The following TPX2 variants were observed in gnomAD, a reference collection of about 807,000 sequenced individuals.
TPX2 encodes targeting protein for Xklp2.
Under a neutral mutation model 93.6 loss-of-function variants are expected in TPX2, and 21 were observed. That is an observed-to-expected ratio of 0.22 (90% CI 0.16 to 0.32). The LOEUF (loss-of-function observed/expected upper bound fraction) is 0.32, where lower values mean the gene tolerates loss of function less well. Ranked by LOEUF, TPX2 falls within the 10% of genes least tolerant of loss-of-function variation. The pLI is 1.00. For missense variants in TPX2, 776 were observed against 871.1 expected, an observed-to-expected ratio of 0.89 and a Z score of 1.37; for synonymous variants, 281 against 298.3, an observed-to-expected ratio of 0.94 and a Z score of 0.60.
intron 9 of TPX2, 149 bp from the exon 10 acceptor site, chr20:31,778,664 C>A: frequency 1.5e-6 from 1 of 652,574 alleles, no homozygotes; most frequent in Non-Finnish European, 2.5e-6. Flanking sequence ...TTAGTTATAA[C>A]CCTTGCTCAA....
chr20:31,777,858 C>T (rs2062011337), intron 9 of TPX2, among the ~76,000 whole-genome samples: 1 of 151,124 alleles, frequency 6.6e-6, no homozygotes. Context: ...CTCACTGTAA[C>T]CTCCGCCTCC....
intron 7 of TPX2, among the ~76,000 whole-genome samples, chr20:31,774,682 G>A (rs1038123058): frequency 6.6e-6 from 1 of 152,134 alleles, no homozygotes; most frequent in Non-Finnish European, 1.5e-5. Flanking sequence ...GGATTTAGTC[G>A]GCTTTACTTC....
In TPX2 at chr20:31,771,421, G is replaced by C. The variant is rs2061963717; in HGVS notation, c.486-139G>C. The C allele has an allele frequency of 2.7e-6, 3 of 1,096,496 alleles. No homozygotes were observed. In the East Asian group the frequency reaches 8.3e-5, roughly 31 times the overall value. The allele number at this position is 1,096,496 out of a possible 1,614,324, so 67.9% of individuals were successfully genotyped here. A position where few individuals can be genotyped will look rare whatever the true frequency, so the allele number is the denominator to read the frequency against. On this transcript the variant is annotated intron_variant, in intron 6 of 17. Coordinates refer to ENST00000300403, the MANE Select transcript of TPX2 (RefSeq NM_012112.5). ...ATATATATGATCTAATGATACTGTTGGAAGAATCATGTGGTCGAAGCATGC... is the reference window on the plus strand; with the variant it reads ...ATATATATGATCTAATGATACTGTTCGAAGAATCATGTGGTCGAAGCATGC...
chr20:31,741,645 G>T (rs993408337), intron 1 of TPX2, among the ~76,000 whole-genome samples: 42 of 152,012 alleles, frequency 2.8e-4, no homozygotes, highest in African/African-American at 1.0e-3. Context: ...CACCCGGCTA[G>T]TTTTTTTGTA....
At chr20:31,760,730 C>G (rs1343259958) in intron 4 of TPX2, among the ~76,000 whole-genome samples, 1 of 152,074 alleles carries the variant, frequency 6.6e-6, no homozygotes, top group Non-Finnish European at 1.5e-5. Flanking sequence ...GTAACCTAAC[C>G]TGGGTCTGGG....
At chr20:31,752,622 C>CT (rs947426024) in intron 2 of TPX2, among the ~76,000 whole-genome samples, 215 of 150,778 alleles carry the variant, frequency 1.4e-3, no homozygotes, top group African/African-American at 4.3e-3. Context: ...ACTTTTTTTT[C>CT]TTTTTTTTTG....
intron 3 of TPX2, 35 bp downstream of exon 3, chr20:31,757,617 T>C (rs1375712503): frequency 1.3e-6 from 2 of 1,567,574 alleles, no homozygotes; most frequent in African/African-American, 2.7e-5. Flanking sequence ...TTTTAAGGAT[T>C]AGTGGCTTGC....
At chr20:31,794,289 T>C in intron 14 of TPX2, 113 bp from the exon 15 acceptor site, 2 of 1,390,090 alleles carry the variant, frequency 1.4e-6, no homozygotes, top group Non-Finnish European at 1.9e-6. Flanking sequence ...CATTCTTTCA[T>C]GCTGCTTTGA....
At position 31,790,886 on chromosome 20, in the gene TPX2, A is replaced by G. The variant is rs1339732132; in HGVS notation, c.1414-1849A>G. Among the ~76,000 whole-genome samples, 5 of 152,204 alleles carry G rather than the reference A, an allele frequency of 3.3e-5. No homozygotes were observed. The East Asian group carries it at 9.6e-4, about 29-fold the overall frequency. On this transcript the variant is annotated intron_variant, in intron 12 of 17. Transcript: ENST00000300403. ...GTTTTGTATGGACTGTGATAAAACCATATACAATGGGATAAAGGGGTCAGT... is the reference window on the plus strand; with the variant it reads ...GTTTTGTATGGACTGTGATAAAACCGTATACAATGGGATAAAGGGGTCAGT...
chr20:31,757,658 G>A, intron 3 of TPX2, 76 bp downstream of exon 3: 1 of 1,138,290 alleles, frequency 8.8e-7, no homozygotes, highest in Non-Finnish European at 1.3e-6. Context: ...ATAATAGAAG[G>A]GGTTGCAAGA....
chr20:31,782,885 CACAT>C (rs1409452764), intron 11 of TPX2, among the ~76,000 whole-genome samples: 31 of 98,652 alleles, frequency 3.1e-4, no homozygotes, highest in Non-Finnish European at 5.3e-4. Context: ...TGCACATACA[CACAT>C]ACACACACAC....
chr20:31,752,498 T>C (rs1272868050), intron 2 of TPX2, among the ~76,000 whole-genome samples: 1 of 152,232 alleles, frequency 6.6e-6, no homozygotes, highest in Non-Finnish European at 1.5e-5. Context: ...TTTCTAATTC[T>C]CTATACTTAG....
chr20:31,798,045 C>A (rs998817967), intron 16 of TPX2, among the ~76,000 whole-genome samples: 6 of 152,072 alleles, frequency 3.9e-5, no homozygotes, highest in African/African-American at 1.4e-4. Context: ...TCAAAAAAAT[C>A]TTTCCAAAAA....
chr20:31,751,793 A>G (rs2061821481), intron 2 of TPX2, among the ~76,000 whole-genome samples: 1 of 152,178 alleles, frequency 6.6e-6, no homozygotes, highest in African/African-American at 2.4e-5. Context: ...CCCAGGCTGG[A>G]GTGCAATGGC....
At chr20:31,750,369 G>A (rs1039576564) in intron 2 of TPX2, among the ~76,000 whole-genome samples, 2 of 151,944 alleles carry the variant, frequency 1.3e-5, no homozygotes, top group Non-Finnish European at 2.9e-5. Context: ...TTTGAGGCTG[G>A]TCTCGAACTC....
rs1448118274 is a variant in TPX2, at chr20:31,742,828, T to C, written c.-71+181T>C. ...CTCAGATAAACCATGGTTAGCCTTT[T>C]GATAGATTTCTTTATAATTTTTTTC... On this transcript the variant is annotated intron_variant, in intron 2 of 17. Coordinates refer to ENST00000300403, the MANE Select transcript of TPX2 (RefSeq NM_012112.5). Among the ~76,000 whole-genome samples, 3 of 152,226 alleles carry C rather than the reference T, an allele frequency of 2.0e-5. No homozygotes were observed. The East Asian group carries it at 5.8e-4, about 29-fold the overall frequency.
chr20:31,771,682 A>G lies in TPX2; in HGVS notation c.608A>G (p.Lys203Arg). The part of the protein sequence containing the change: ...RHTVPCMPPA[K>R]QKFLKSTEEQ... ...ACTGTGCCTTGTATGCCACCTGCAAAGTAAGTTTCTTTCCTGAATTTAAAC... is the reference window on the plus strand; with the variant it reads ...ACTGTGCCTTGTATGCCACCTGCAAGGTAAGTTTCTTTCCTGAATTTAAAC... The change falls in exon 7 of 18, where the codon AAG becomes AGG. Residue 203 changes from lysine (K) to arginine (R), a missense_variant and splice_region_variant. Physicochemically the swap from Lys to Arg is conservative, Grantham distance 26. Around this residue, in one of 3 missense-constraint regions of TPX2, gnomAD observed 279 missense variants for 261.6 expected, o/e 1.07. Transcript: ENST00000300403. 6.3e-7 allele frequency: 1 copy of G among 1,598,148 alleles called. No individual in the cohort carries two copies. Among genetic ancestry groups the G allele is most frequent in the Non-Finnish European group, 8.5e-7 (1 of 1,176,218 alleles).
chr20:31,754,319 G>A (rs1215259391), intron 2 of TPX2, among the ~76,000 whole-genome samples: 3 of 152,050 alleles, frequency 2.0e-5, no homozygotes, highest in African/African-American at 7.2e-5. Context: ...GACCTCAAGT[G>A]ATCCTCCCGC....
In TPX2 at chr20:31,766,634, T is replaced by C. The variant is rs752876722; in HGVS notation, c.308T>C (p.Leu103Pro). 3 of 1,613,596 alleles carry C rather than the reference T, an allele frequency of 1.9e-6. No individual in the cohort carries two copies. Among genetic ancestry groups the C allele is most frequent in the East Asian group, 2.2e-5 (1 of 44,864 alleles). ...QSIPSNACSSLEVEAAISRKT... is the reference protein window; with the variant it reads ...QSIPSNACSSPEVEAAISRKT... ...ATTCCGTCAAATGCTTGTTCTTCCC[T>C]GGAAGTTGAGGCAGCCATATCAAGA... is the stretch of plus-strand genomic sequence containing the variant. Residue 103 changes from leucine (L) to proline (P), a missense_variant, in exon 5 of 18, where the codon CTG (leucine) becomes CCG (proline). Transcript: ENST00000300403.
Sources: allele counts gnomAD v4.1 joint callset (sites outside exome capture counted in the v4.1 genomes callset), GRCh38; gene constraint gnomAD v4.1.1; regional missense constraint gnomAD v4.1.1; transcripts MANE v1.5; gene names NCBI Gene and HGNC (gene_info 2026-07-23, HGNC 2026-07-21).